Variants in NDC80 observed in about 807,000 individuals in gnomAD.
The protein encoded by NDC80 is kinetochore protein NDC80 homolog.
A neutral mutation model predicts 89.3 loss-of-function variants in NDC80; 69 were observed. The observed-to-expected ratio is 0.77, with a 90% CI of 0.64 to 0.94. NDC80 has a LOEUF of 0.94. Among genes scored for constraint, NDC80 ranks in the 40% least tolerant of loss-of-function variants. NDC80 has a pLI of 0.00. For synonymous variants in NDC80, 243 were observed against 255.6 expected (o/e 0.95, Z 0.47); for missense variants, 593 against 739.6 (o/e 0.80, Z 2.30).
At position 2,580,731 on chromosome 18, in the gene NDC80, A is replaced by ATTTTTTTTTTTTTTTTT. The variant is rs71365186; in HGVS notation, c.579+1715_579+1731dup. On this transcript the variant is annotated intron_variant, in intron 6 of 16. Transcript: ENST00000261597. ...ACTACTTTTTTGGTCTCACCATCAGATTTTTTTTTTTTTTTTTTTTTTTTT... is the reference window on the plus strand; with the variant it reads ...ACTACTTTTTTGGTCTCACCATCAGATTTTTTTTTTTTTTTTTTTTTTTTTTTTTTTTTTTTTTTTTT... 5.5e-3 allele frequency among the ~76,000 whole-genome samples: 303 copies of ATTTTTTTTTTTTTTTTT among 55,458 alleles called. 85 individuals carry two copies. Among genetic ancestry groups the ATTTTTTTTTTTTTTTTT allele is most frequent in the Non-Finnish European group, 7.6e-3 (218 of 28,506 alleles). The allele number at this position is 55,458 out of a possible 152,430, so 36.4% of individuals were successfully genotyped here. A position where few individuals can be genotyped will look rare whatever the true frequency, so the allele number is the denominator to read the frequency against.
intron 2 of NDC80, among the ~76,000 whole-genome samples, chr18:2,573,698 T>C (rs1229414528): frequency 2.0e-5 from 3 of 152,260 alleles, no homozygotes; most frequent in African/African-American, 7.2e-5. Context: ...TAACTGTTTT[T>C]AAATTACTTG....
chr18:2,614,645 G>GA (rs1175447166), intron 16 of NDC80, among the ~76,000 whole-genome samples: 1 of 92,296 alleles, frequency 1.1e-5, no homozygotes, highest in East Asian at 3.7e-4. Flanking sequence ...AAGAAAGAAA[G>GA]AAAGAAAGAA....
In NDC80 at chr18:2,608,628, T is replaced by G. The variant is rs549295641; in HGVS notation, c.1558-72T>G. 30 of 1,420,836 alleles carry G rather than the reference T, an allele frequency of 2.1e-5. No homozygotes were observed. In the East Asian group the frequency reaches 6.3e-4, roughly 30 times the overall value. 88.0% of individuals were successfully genotyped at this position (1,420,836 alleles called of 1,614,324 possible). On this transcript the variant is annotated intron_variant, in intron 14 of 16. Transcript: ENST00000261597. ...ATTTTATTTAAGTGCTTTTTATAAT[T>G]GTTTTAAATCCACCTAGAGTATACA...
intron 15 of NDC80, 117 bp from the exon 16 acceptor site, chr18:2,610,642 G>A (rs780137803): frequency 9.7e-5 from 53 of 548,332 alleles, no homozygotes; most frequent in Non-Finnish European, 1.6e-4. Context: ...ATAGTATGCA[G>A]CACATAAATC....
Position 2,596,867 on chromosome 18 carries a change from T to G in NDC80, c.1221+1246T>G, listed in dbSNP as rs1156489828. Among the ~76,000 whole-genome samples the G allele has an allele frequency of 2.0e-5, 3 of 151,482 alleles. No individual in the cohort carries two copies. The South Asian group carries it at 6.3e-4, about 32-fold the overall frequency. On this transcript the variant is annotated intron_variant, in intron 11 of 16. Transcript: ENST00000261597. ...AGCCGTAAAAAATGATGAGTTCATG[T>G]CCTTTGTAGGGACATGGATGAAATT...
chr18:2,588,011 T>C, intron 8 of NDC80, 88 bp downstream of exon 8: 2 of 971,034 alleles, frequency 2.1e-6, no homozygotes, highest in Non-Finnish European at 3.2e-6. Context: ...CCAGTGTTCA[T>C]ATGAGCTACT....
chr18:2,594,742 C>T (rs531035384), intron 10 of NDC80: 9 of 152,512 alleles, frequency 5.9e-5, no homozygotes, highest in African/African-American at 2.2e-4. Flanking sequence ...GGGCTTTTCA[C>T]ACCTTGTCCA....
chr18:2,585,053 C>A, intron 6 of NDC80, 60 bp from the exon 7 acceptor site: 1 of 1,375,972 alleles, frequency 7.3e-7, no homozygotes, highest in African/African-American at 1.4e-5. Context: ...CAGAATTTGC[C>A]AAAAAATGAA....
chr18:2,578,284 G>A, intron 5 of NDC80, 143 bp downstream of exon 5: 2 of 743,632 alleles, frequency 2.7e-6, no homozygotes, highest in Non-Finnish European at 4.1e-6. Flanking sequence ...ATAAATTGAA[G>A]AGAAAAAAAG....
intron 10 of NDC80, among the ~76,000 whole-genome samples, chr18:2,590,912 T>TG (rs1429057941): frequency 6.7e-6 from 1 of 149,090 alleles, no homozygotes; most frequent in Admixed American, 6.7e-5. Context: ...CAGATTCTTT[T>TG]GTTTTTTTTG....
rs1238363098 is a variant in NDC80, at chr18:2,599,159, G to A, written c.1362G>A (p.Arg454=). 1.2e-6 allele frequency: 2 copies of A among 1,606,284 alleles called. No individual in the cohort carries two copies. The highest frequency in any genetic ancestry group is 1.3e-5 in the African/African-American group (1 of 74,442). Residue 454 remains arginine (R), a synonymous_variant, in exon 12 of 17, where the codon AGG becomes AGA. Coordinates refer to ENST00000261597, the MANE Select transcript of NDC80 (RefSeq NM_006101.3). ...EAGANCLVKY[R]AQVYVPLKEL... is the part of the protein sequence containing the mutation. The stretch of plus-strand genomic sequence containing the variant: ...GTGCCAACTGCCTTGTCAAATACAG[G>A]GCTCAAGTTTATGTAAGTAATCATG...
chr18:2,572,169 G>C (rs1246926436), intron 1 of NDC80, among the ~76,000 whole-genome samples: 2 of 152,158 alleles, frequency 1.3e-5, no homozygotes, highest in East Asian at 1.9e-4. Flanking sequence ...GGAAATAGGC[G>C]GCCAAAATCA....
chr18:2,616,445 TGAG>T lies in NDC80; in HGVS notation c.1804_1806del (p.Glu602del), dbSNP rs1568017643. The T allele has an allele frequency of 6.7e-7, 1 of 1,492,238 alleles. No homozygotes were observed. The highest frequency in any genetic ancestry group is 9.0e-7 in the Non-Finnish European group (1 of 1,113,556). The allele number at this position is 1,492,238 out of a possible 1,614,324, so 92.4% of individuals were successfully genotyped here. The stretch of plus-strand genomic sequence containing the variant: ...TTAATTCTCTTCACTAGAAACATCT[TGAG>T]GAGCAGATTGCTAAAGTTGATAGAG... On this transcript the variant is annotated inframe_deletion, in exon 17 of 17. Coordinates refer to ENST00000261597, the MANE Select transcript of NDC80 (RefSeq NM_006101.3).
At chr18:2,614,443 G>GAAAGAAAGAA (rs2072761955) in intron 16 of NDC80, 1 of 73,492 alleles carries the variant, frequency 1.4e-5, no homozygotes, top group Non-Finnish European at 2.7e-5. Context: ...CTCAAAAAAA[G>GAAAGAAAGAA]AAAGAAAGAA....
At position 2,604,237 on chromosome 18, in the gene NDC80, A is replaced by G. The variant is rs925482956; in HGVS notation, c.1465-2178A>G. On this transcript the variant is annotated intron_variant, in intron 13 of 16. Coordinates refer to ENST00000261597, the MANE Select transcript of NDC80 (RefSeq NM_006101.3). ...ATACAGCGCACTGTGGATTCTCATA[A>G]TACACTTAAGTACAGGCTCCTTCTG... Among the ~76,000 whole-genome samples the G allele has an allele frequency of 2.6e-5, 4 of 152,228 alleles. No homozygotes were observed. In the East Asian group the frequency reaches 5.8e-4, roughly 22 times the overall value.
In NDC80 at chr18:2,608,718, G is replaced by A; in HGVS notation, c.1576G>A (p.Glu526Lys). The change falls in exon 15 of 17, where the codon GAA (glutamate) becomes AAA (lysine). Residue 526 changes from glutamate to lysine, a missense_variant. Glu to Lys is a moderately conservative substitution (Grantham distance 56). Coordinates refer to ENST00000261597, the MANE Select transcript of NDC80 (RefSeq NM_006101.3). Reference sequence around the variant, plus strand: ...CTGATAGGAAGCAGAGGAAGAGGATGAAAAATGTGCCAGTGAGCTTGAGTC... The same window carrying A: ...CTGATAGGAAGCAGAGGAAGAGGATAAAAAATGTGCCAGTGAGCTTGAGTC... The part of the protein sequence containing the change: ...QKIKEAEEED[E>K]KCASELESLE... 6.2e-7 allele frequency: 1 copy of A among 1,612,536 alleles called. No individual in the cohort carries two copies. The highest frequency in any genetic ancestry group is 8.5e-7 in the Non-Finnish European group (1 of 1,178,866).
At chr18:2,576,727 T>G (rs2072548826) in intron 3 of NDC80, among the ~76,000 whole-genome samples, 1 of 152,170 alleles carries the variant, frequency 6.6e-6, no homozygotes, top group Admixed American at 6.5e-5. Flanking sequence ...GTGACACAAA[T>G]GCGTTTATTG....
At chr18:2,579,673 C>T (rs1305347007) in intron 6 of NDC80, among the ~76,000 whole-genome samples, 1 of 152,056 alleles carries the variant, frequency 6.6e-6, no homozygotes, top group Non-Finnish European at 1.5e-5. Flanking sequence ...GTGATCTGCC[C>T]GCCTCAGCCT....
chr18:2,573,665 G>C (rs56248479), intron 2 of NDC80, among the ~76,000 whole-genome samples: 9,693 of 152,208 alleles, frequency 0.064, 338 homozygotes, highest in African/African-American at 0.084. Flanking sequence ...TTCTTCTCTA[G>C]TACCGAGGTA....
Sources: allele counts gnomAD v4.1 joint callset (sites outside exome capture counted in the v4.1 genomes callset), GRCh38; gene constraint gnomAD v4.1.1; transcripts MANE v1.5; gene names NCBI Gene and HGNC (gene_info 2026-07-23, HGNC 2026-07-21).